The following STK3 variants were observed in gnomAD, a reference collection of about 807,000 sequenced individuals.
STK3 encodes the protein serine/threonine kinase 3, also known as serine/threonine-protein kinase 3.
In STK3, 41 loss-of-function variants were observed where a neutral mutation model predicts 58.0. The observed-to-expected ratio is 0.71, with a 90% CI of 0.55 to 0.92. The LOEUF is 0.92. Among genes scored for constraint, STK3 ranks in the 40% least tolerant of loss-of-function variants. The probability of loss-of-function intolerance (pLI) is 0.00; values close to 1 mark genes in which losing one functional copy is unlikely to be tolerated. For synonymous variants in STK3, 170 were observed against 191.0 expected (o/e 0.89, Z 0.91); for missense variants, 479 against 602.7 (o/e 0.79, Z 2.15).
intron 1 of STK3, among the ~76,000 whole-genome samples, chr8:98,912,858 G>A (rs192713472): frequency 1.3e-5 from 2 of 152,254 alleles, no homozygotes; most frequent in Admixed American, 1.3e-4. Context: ...ATAGTTTTGA[G>A]TGGTTGTGTT....
chr8:98,526,820 G>A lies in STK3; in HGVS notation c.1239C>T (p.Asn413=), dbSNP rs371715105. ...TGGACATAGGGAAGGGTTCATGCAT[G>A]TTCTGATTACAGTTTTCGTGACTCT... The part of the protein sequence containing the change: ...KNKSHENCNQ[N]MHEPFPMSKN... The change falls in exon 10 of 11, where the codon AAC becomes AAT. Residue 413 remains asparagine, a synonymous_variant. Transcript: ENST00000419617. The A allele has an allele frequency of 6.2e-7, 1 of 1,601,316 alleles. No homozygotes were observed. Among genetic ancestry groups the A allele is most frequent in the Non-Finnish European group, 8.5e-7 (1 of 1,172,048 alleles).
At chr8:98,399,451 G>A (rs1031783057), downstream of STK3, among the ~76,000 whole-genome samples, 13 of 152,300 alleles carry the variant, frequency 8.5e-5, no homozygotes, top group East Asian at 1.3e-3. Flanking sequence ...GAGTTTCCAC[G>A]TGGCCTGGCC....
intron 1 of STK3, 38 bp from the exon 2 acceptor site, chr8:98,774,857 T>C (rs1404468460): frequency 1.4e-6 from 2 of 1,433,864 alleles, no homozygotes. Context: ...AATATTTTCT[T>C]TAAAGACCTT....
At chr8:98,939,789 C>A (rs983803986) in intron 1 of STK3, among the ~76,000 whole-genome samples, 3 of 152,264 alleles carry the variant, frequency 2.0e-5, no homozygotes, top group African/African-American at 7.2e-5. Context: ...TTTCTGTCAT[C>A]CATCGTCTAC....
intron 1 of STK3, among the ~76,000 whole-genome samples, chr8:98,938,427 G>A (rs1840273392): frequency 6.6e-6 from 1 of 152,172 alleles, no homozygotes; most frequent in Non-Finnish European, 1.5e-5. Context: ...TTTTTAGTTG[G>A]GGGAGAAGGG....
chr8:98,419,588 C>T (rs1818148934), intron 3 of STK3, among the ~76,000 whole-genome samples: 1 of 152,204 alleles, frequency 6.6e-6, no homozygotes. Flanking sequence ...GCATCCTGGG[C>T]TGCATCCTGG....
intron 10 of STK3, among the ~76,000 whole-genome samples, chr8:98,514,354 C>T (rs1259573121): frequency 6.6e-6 from 1 of 152,010 alleles, no homozygotes; most frequent in Non-Finnish European, 1.5e-5. Flanking sequence ...GAGCATGCTT[C>T]AAAGTATGTT....
intron 10 of STK3, among the ~76,000 whole-genome samples, chr8:98,507,266 CAGA>C (rs977675985): frequency 2.0e-5 from 3 of 152,164 alleles, no homozygotes; most frequent in African/African-American, 7.2e-5. Context: ...CACCTGGATG[CAGA>C]AGAACTTCCC....
chr8:98,653,201 T>A (rs1248267918), intron 6 of STK3, among the ~76,000 whole-genome samples: 1 of 152,046 alleles, frequency 6.6e-6, no homozygotes, highest in African/African-American at 2.4e-5. Flanking sequence ...CTCAACTACA[T>A]GGAAACTGAA....
intron 2 of STK3, among the ~76,000 whole-genome samples, chr8:98,376,010 G>C: frequency 6.6e-6 from 1 of 152,078 alleles, no homozygotes. Context: ...CTTTTCACTG[G>C]GGCTATCCCA....
intron 1 of STK3, among the ~76,000 whole-genome samples, chr8:98,933,313 T>C (rs1465458258): frequency 6.6e-6 from 1 of 152,200 alleles, no homozygotes; most frequent in African/African-American, 2.4e-5. Flanking sequence ...GAAAATACTA[T>C]TGTATACAGA....
chr8:98,894,829 G>T (rs1838389859), intron 1 of STK3, among the ~76,000 whole-genome samples: 1 of 152,118 alleles, frequency 6.6e-6, no homozygotes, highest in African/African-American at 2.4e-5. Flanking sequence ...CTGTGAAGTA[G>T]AGGTCTTTGA....
chr8:98,707,653 C>G (rs1280395959), intron 4 of STK3, among the ~76,000 whole-genome samples: 1 of 152,084 alleles, frequency 6.6e-6, no homozygotes, highest in Non-Finnish European at 1.5e-5. Context: ...AATTCTCCTT[C>G]CTCAGCTTCC....
intron 6 of STK3, among the ~76,000 whole-genome samples, chr8:98,693,818 T>C (rs1306103398): frequency 6.6e-6 from 1 of 152,152 alleles, no homozygotes; most frequent in Non-Finnish European, 1.5e-5. Context: ...CTACAGAGAA[T>C]CAGTTTTCCA....
intron 1 of STK3, among the ~76,000 whole-genome samples, chr8:98,900,448 A>G (rs1838612568): frequency 6.6e-6 from 1 of 152,182 alleles, no homozygotes; most frequent in South Asian, 2.1e-4. Context: ...CACAAAATGT[A>G]GAATTATATG....
At chr8:98,609,771 TA>T (rs1817046394) in intron 6 of STK3, among the ~76,000 whole-genome samples, 1 of 151,900 alleles carries the variant, frequency 6.6e-6, no homozygotes, top group South Asian at 2.1e-4. Flanking sequence ...CCATCCTGGC[TA>T]ACACAGTGAA....
rs780001949 is a variant in STK3 at position 98,417,532 on chromosome 8, T to TAAAC, written n.484-16023_484-16020dup. ...CTGTCTCAAAAAATAAATAAATAAATAAACAAACAAACAAACAGTTTCTGG... is the reference window on the plus strand; with the variant it reads ...CTGTCTCAAAAAATAAATAAATAAATAAACAAACAAACAAACAAACAGTTTCTGG... On this transcript the variant is annotated intron_variant and non_coding_transcript_variant, in intron 3 of 3. Transcript: ENST00000517832. Among the ~76,000 whole-genome samples the TAAAC allele has an allele frequency of 8.2e-3, 1,235 of 151,444 alleles. 16 individuals are homozygous for TAAAC. Among genetic ancestry groups the TAAAC allele is most frequent in the African/African-American group, 9.3e-3 (383 of 41,172 alleles).
At chr8:98,789,130 A>G (rs2131569087) in intron 1 of STK3, among the ~76,000 whole-genome samples, 1 of 152,360 alleles carries the variant, frequency 6.6e-6, no homozygotes, top group South Asian at 2.1e-4. Flanking sequence ...ATGCAAATAC[A>G]TGGAAATTAA....
intron 3 of STK3, among the ~76,000 whole-genome samples, chr8:98,750,772 T>C (rs995036338): frequency 6.6e-6 from 1 of 152,172 alleles, no homozygotes; most frequent in Non-Finnish European, 1.5e-5. Flanking sequence ...ATCATTCTGA[T>C]ACCAAAACCT....
Sources: allele counts gnomAD v4.1 joint callset (sites outside exome capture counted in the v4.1 genomes callset), GRCh38; gene constraint gnomAD v4.1.1; transcripts MANE v1.5; gene names NCBI Gene and HGNC (gene_info 2026-07-23, HGNC 2026-07-21).